ARHGAP15: variants seen among roughly 807,000 people sequenced by gnomAD.
The protein encoded by ARHGAP15 is Rho GTPase activating protein 15.
A neutral mutation model predicts 63.7 loss-of-function variants in ARHGAP15; 51 were observed. That is an observed-to-expected ratio of 0.80 (90% CI 0.64 to 1.01). The LOEUF (loss-of-function observed/expected upper bound fraction) is 1.01, where lower values mean the gene tolerates loss of function less well. Among genes scored for constraint, ARHGAP15 ranks in the 50% least tolerant of loss-of-function variants. ARHGAP15 has a pLI of 0.00. For synonymous variants in ARHGAP15, 191 were observed against 193.8 expected (o/e 0.99, Z 0.12); for missense variants, 560 against 564.6 (o/e 0.99, Z 0.08).
At chr2:143,152,203 G>A (rs1574015500) in intron 1 of ARHGAP15, among the ~76,000 whole-genome samples, 1 of 151,958 alleles carries the variant, frequency 6.6e-6, no homozygotes, top group African/African-American at 2.4e-5. Context: ...GAGGTCAAAT[G>A]CTACCTTCTC....
chr2:143,530,311 G>T (rs903149615), intron 10 of ARHGAP15, among the ~76,000 whole-genome samples: 1 of 152,048 alleles, frequency 6.6e-6, no homozygotes, highest in Non-Finnish European at 1.5e-5. Context: ...TACCATATTT[G>T]TAATAATCTT....
chr2:143,524,131 A>G (rs1381652499), intron 10 of ARHGAP15, among the ~76,000 whole-genome samples: 2 of 152,204 alleles, frequency 1.3e-5, no homozygotes, highest in Non-Finnish European at 2.9e-5. Flanking sequence ...TAAAGATTTA[A>G]GAAAGACCTT....
At chr2:143,156,392 A>G (rs552816167) in intron 2 of ARHGAP15, among the ~76,000 whole-genome samples, 1 of 151,812 alleles carries the variant, frequency 6.6e-6, no homozygotes, top group African/African-American at 2.4e-5. Context: ...AATGTTAGCC[A>G]CTCTTTTGGA....
intron 6 of ARHGAP15, chr2:143,350,838 C>CAAAAAAAAAAAAAA (rs59616405): frequency 1.7e-5 from 1 of 57,730 alleles, no homozygotes; most frequent in African/African-American, 7.6e-5. Context: ...GACTCAGTCT[C>CAAAAAAAAAAAAAA]AAAAAAAAAA....
intron 8 of ARHGAP15, among the ~76,000 whole-genome samples, chr2:143,475,950 A>G (rs1016225328): frequency 6.6e-6 from 1 of 152,218 alleles, no homozygotes; most frequent in African/African-American, 2.4e-5. Context: ...AACTGGCAGC[A>G]CCACACCAGA....
chr2:143,162,743 A>G (rs902934125), intron 2 of ARHGAP15, among the ~76,000 whole-genome samples: 1 of 152,020 alleles, frequency 6.6e-6, no homozygotes, highest in Non-Finnish European at 1.5e-5. Flanking sequence ...TAACTTTGGA[A>G]CCATAGTCAA....
intron 6 of ARHGAP15, among the ~76,000 whole-genome samples, chr2:143,419,818 A>G (rs1274285016): frequency 1.3e-5 from 2 of 152,108 alleles, no homozygotes; most frequent in African/African-American, 2.4e-5. Context: ...GTATGCATTT[A>G]TATTCAGAAA....
intron 6 of ARHGAP15, among the ~76,000 whole-genome samples, chr2:143,291,694 G>A (rs1682409276): frequency 6.6e-6 from 1 of 152,022 alleles, no homozygotes; most frequent in African/African-American, 2.4e-5. Flanking sequence ...CTAGCACTCA[G>A]CAAACGTTCA....
chr2:143,269,575 G>T (rs1681166575), intron 6 of ARHGAP15, among the ~76,000 whole-genome samples: 1 of 152,152 alleles, frequency 6.6e-6, no homozygotes, highest in Non-Finnish European at 1.5e-5. Context: ...CCATGAAGAT[G>T]AAGCACAAAA....
In ARHGAP15 at chr2:143,733,722, A is replaced by G. The variant is rs575922043; in HGVS notation, c.1244+30198A>G. 6.3e-4 allele frequency among the ~76,000 whole-genome samples: 96 copies of G among 152,294 alleles called. 3 individuals are homozygous for G. In the South Asian group the frequency reaches 0.019, roughly 31 times the overall value. ...TTCATTTGCATTTCTTCATTTGCTT[A>G]GTCTATGAGATTATGAGGAATTTTT... On this transcript the variant is annotated intron_variant, in intron 13 of 13. Transcript: ENST00000295095.
chr2:143,490,910 G>C (rs981299689), intron 9 of ARHGAP15, among the ~76,000 whole-genome samples: 1 of 152,150 alleles, frequency 6.6e-6, no homozygotes, highest in African/African-American at 2.4e-5. Context: ...TTACAGGCAT[G>C]AGCAACCGCA....
chr2:143,553,278 T>G (rs537007714), intron 10 of ARHGAP15, among the ~76,000 whole-genome samples: 1 of 152,300 alleles, frequency 6.6e-6, no homozygotes, highest in East Asian at 1.9e-4. Context: ...ATTTTCACTC[T>G]ATTTATGTAA....
At chr2:143,315,334 T>A (rs1036920057) in intron 6 of ARHGAP15, among the ~76,000 whole-genome samples, 1 of 152,222 alleles carries the variant, frequency 6.6e-6, no homozygotes, top group Non-Finnish European at 1.5e-5. Context: ...ATTAGGTAGC[T>A]TTCATTTAAA....
chr2:143,402,291 A>G (rs1427318147), intron 6 of ARHGAP15, among the ~76,000 whole-genome samples: 3 of 151,960 alleles, frequency 2.0e-5, no homozygotes, highest in South Asian at 2.1e-4. Context: ...TTAAGCCCCA[A>G]CAAAAGAACT....
chr2:143,550,482 C>A (rs919139078), intron 10 of ARHGAP15, among the ~76,000 whole-genome samples: 21 of 152,180 alleles, frequency 1.4e-4, no homozygotes, highest in African/African-American at 5.1e-4. Context: ...CTAAAATGGT[C>A]ATCACCAGCC....
chr2:143,250,412 A>G (rs1680093806), intron 5 of ARHGAP15, 99 bp from the exon 6 acceptor site: 8 of 866,160 alleles, frequency 9.2e-6, no homozygotes, highest in Non-Finnish European at 1.4e-5. Flanking sequence ...GCATTATATC[A>G]TAAATATGTA....
intron 2 of ARHGAP15, among the ~76,000 whole-genome samples, chr2:143,189,631 T>C (rs1187685942): frequency 4.6e-5 from 7 of 151,982 alleles, no homozygotes; most frequent in Non-Finnish European, 1.0e-4. Context: ...CTGGCTAATT[T>C]TTGTATTTTT....
intron 1 of ARHGAP15, among the ~76,000 whole-genome samples, chr2:143,153,082 T>C (rs1358536034): frequency 6.6e-6 from 1 of 151,950 alleles, no homozygotes; most frequent in Non-Finnish European, 1.5e-5. Flanking sequence ...GATTGTGAAA[T>C]CAATATAGGA....
At chr2:143,561,684 ATT>A (rs1459252191) in intron 11 of ARHGAP15, among the ~76,000 whole-genome samples, 1 of 151,478 alleles carries the variant, frequency 6.6e-6, no homozygotes, top group Non-Finnish European at 1.5e-5. Context: ...CTCGGCTAAT[ATT>A]TGTATTTTTA....
Sources: gnomAD v4.1 joint callset for allele counts (sites outside exome capture counted in the v4.1 genomes callset) on GRCh38, gnomAD v4.1.1 for gene constraint, MANE v1.5 for transcripts, NCBI Gene and HGNC (gene_info 2026-07-23, HGNC 2026-07-21) for gene names.